The following DCC variants were observed in gnomAD, a reference collection of about 807,000 sequenced individuals.
DCC encodes DCC netrin 1 receptor.
In DCC, 58 loss-of-function variants were observed where a neutral mutation model predicts 172.5. That is an observed-to-expected ratio of 0.34 (90% confidence interval 0.27 to 0.42). The LOEUF is 0.42. Ranked by LOEUF, DCC falls within the 10% of genes least tolerant of loss-of-function variation. DCC has a pLI of 1.00. For missense variants in DCC, 1,740 were observed against 1,791.0 expected (o/e 0.97, Z 0.51); for synonymous variants, 709 against 644.5 (o/e 1.10, Z -1.52).
At chr18:52,382,762 A>T (rs1022147632) in intron 1 of DCC, among the ~76,000 whole-genome samples, 1 of 152,074 alleles carries the variant, frequency 6.6e-6, no homozygotes, top group Non-Finnish European at 1.5e-5. Context: ...AACACAGGAG[A>T]CAGAGTAAAT....
chr18:52,633,041 C>A (rs191024439), intron 1 of DCC, among the ~76,000 whole-genome samples: 3 of 152,156 alleles, frequency 2.0e-5, no homozygotes, highest in African/African-American at 4.8e-5. Context: ...ATAAATAAAT[C>A]AATGAAAAGC....
At chr18:52,489,433 A>G (rs191518746) in intron 1 of DCC, among the ~76,000 whole-genome samples, 46 of 152,254 alleles carry the variant, frequency 3.0e-4, no homozygotes, top group Admixed American at 7.9e-4. Context: ...AGAGATTGCT[A>G]AAGGCAAAAT....
chr18:52,864,764 G>A (rs1374869095), intron 2 of DCC, among the ~76,000 whole-genome samples: 1 of 151,816 alleles, frequency 6.6e-6, no homozygotes, highest in Non-Finnish European at 1.5e-5. Context: ...ACTTATGAGT[G>A]AGAACATGTG....
At chr18:52,546,816 T>C (rs1233324557) in intron 1 of DCC, among the ~76,000 whole-genome samples, 3 of 152,122 alleles carry the variant, frequency 2.0e-5, no homozygotes, top group Non-Finnish European at 4.4e-5. Context: ...ATTCTCATGC[T>C]CTGTAAACCT....
chr18:53,491,968 C>T (rs551254244), intron 26 of DCC, among the ~76,000 whole-genome samples: 121 of 152,312 alleles, frequency 7.9e-4, no homozygotes, highest in African/African-American at 2.9e-3. Flanking sequence ...TCCTCTCCAG[C>T]ATCTGTTGTT....
chr18:53,063,556 TGGA>T, intron 6 of DCC, 97 bp downstream of exon 6: 2 of 1,049,578 alleles, frequency 1.9e-6, no homozygotes, highest in South Asian at 2.8e-5. Flanking sequence ...AGGTTCCTGT[TGGA>T]GATTTTTTGT....
chr18:53,401,962 T>C (rs897635292), intron 18 of DCC, among the ~76,000 whole-genome samples: 1 of 152,228 alleles, frequency 6.6e-6, no homozygotes, highest in Non-Finnish European at 1.5e-5. Context: ...CATGCTGGAT[T>C]GATACTAAGA....
In DCC at chr18:52,679,040, A is replaced by G. The variant is rs375921052; in HGVS notation, c.92-73014A>G. Among the ~76,000 whole-genome samples the G allele has an allele frequency of 4.6e-5, 7 of 152,126 alleles. No individual in the cohort carries two copies. In the South Asian group the frequency reaches 6.2e-4, roughly 14 times the overall value. On this transcript the variant is annotated intron_variant, in intron 1 of 28. Transcript: ENST00000442544. ...TAATTGAAAAAAGCTATATTGACCT[A>G]GGAGTGTAAGTAAAGTCAGTTGAAA...
At position 53,054,349 on chromosome 18, in the gene DCC, T is replaced by A. The variant is rs1192916311; in HGVS notation, c.986-8956T>A. ...ATTATCTCATATGAGAATATATATA[T>A]AAATATAAATATGTGTGTATATGTA... On this transcript the variant is annotated intron_variant, in intron 5 of 28. Transcript: ENST00000442544. 2.0e-5 allele frequency among the ~76,000 whole-genome samples: 3 copies of A among 151,986 alleles called. No individual in the cohort carries two copies. The East Asian group carries it at 5.8e-4, about 29-fold the overall frequency.
At chr18:53,003,433 G>C (rs536155825) in intron 5 of DCC, among the ~76,000 whole-genome samples, 8 of 152,216 alleles carry the variant, frequency 5.3e-5, no homozygotes, top group African/African-American at 1.9e-4. Flanking sequence ...GGACCACACA[G>C]ATGTGGGAAA....
chr18:52,447,968 A>G (rs1988176926), intron 1 of DCC, among the ~76,000 whole-genome samples: 1 of 152,158 alleles, frequency 6.6e-6, no homozygotes, highest in Admixed American at 6.5e-5. Context: ...GGGACACCGA[A>G]CCAAGCCATA....
At chr18:53,262,888 G>A (rs1381941645) in intron 12 of DCC, among the ~76,000 whole-genome samples, 1 of 152,166 alleles carries the variant, frequency 6.6e-6, no homozygotes, top group East Asian at 1.9e-4. Context: ...CAGGAAATGA[G>A]AAGAGTTGTT....
chr18:53,087,725 T>TA (rs2042936363), intron 7 of DCC, among the ~76,000 whole-genome samples: 1 of 152,184 alleles, frequency 6.6e-6, no homozygotes, highest in African/African-American at 2.4e-5. Context: ...CTAGGGTTTT[T>TA]ATGGTTTTAG....
At chr18:52,915,449 T>A (rs1227277311) in intron 3 of DCC, among the ~76,000 whole-genome samples, 1 of 152,156 alleles carries the variant, frequency 6.6e-6, no homozygotes, top group Non-Finnish European at 1.5e-5. Context: ...CCTCAGTATG[T>A]CACACACACT....
chr18:53,284,652 G>T (rs1273441739), intron 12 of DCC, among the ~76,000 whole-genome samples: 1 of 152,178 alleles, frequency 6.6e-6, no homozygotes, highest in African/African-American at 2.4e-5. Context: ...TGGGAGTAGG[G>T]CACTGCTGAA....
chr18:52,359,666 T>C (rs1984533248), intron 1 of DCC, among the ~76,000 whole-genome samples: 2 of 152,230 alleles, frequency 1.3e-5, no homozygotes, highest in Non-Finnish European at 2.9e-5. Flanking sequence ...CTTGAGTCCA[T>C]GGTGACTTCC....
At chr18:53,036,113 T>A (rs1433503861) in intron 5 of DCC, among the ~76,000 whole-genome samples, 1 of 152,002 alleles carries the variant, frequency 6.6e-6, no homozygotes, top group Non-Finnish European at 1.5e-5. Flanking sequence ...ATTTATATTA[T>A]AGTGCCTGAT....
intron 1 of DCC, among the ~76,000 whole-genome samples, chr18:52,497,641 A>G (rs1268010140): frequency 6.6e-6 from 1 of 152,076 alleles, no homozygotes; most frequent in Non-Finnish European, 1.5e-5. Flanking sequence ...TGCTATTAGT[A>G]GTAGGTGCTG....
chr18:52,828,618 T>C lies in DCC; in HGVS notation c.412+76244T>C, dbSNP rs530170653. On this transcript the variant is annotated intron_variant, in intron 2 of 28. Coordinates refer to ENST00000442544, the MANE Select transcript of DCC (RefSeq NM_005215.4). The stretch of plus-strand genomic sequence containing the variant: ...GAATAAGAATGTGAAAATACTTCAG[T>C]TGTAATGGGGGCTTCGGCCAACAGA... 2.0e-5 allele frequency among the ~76,000 whole-genome samples: 3 copies of C among 152,234 alleles called. No homozygotes were observed. The East Asian group carries it at 5.8e-4, about 29-fold the overall frequency.
Sources: allele counts gnomAD v4.1 joint callset (sites outside exome capture counted in the v4.1 genomes callset), GRCh38; gene constraint gnomAD v4.1.1; transcripts MANE v1.5; gene names NCBI Gene and HGNC (gene_info 2026-07-23, HGNC 2026-07-21).